MTA3: variants seen among roughly 807,000 people sequenced by gnomAD.
MTA3 encodes the protein metastasis associated 1 family member 3.
MTA3 carries 34 observed loss-of-function variants against 83.5 expected under a neutral mutation model. That is an observed-to-expected ratio of 0.41 (90% CI 0.31 to 0.54). MTA3 has a LOEUF of 0.54. Among genes scored for constraint, MTA3 ranks in the 20% least tolerant of loss-of-function variants. The pLI is 0.33. For synonymous variants in MTA3, 303 were observed against 252.7 expected, an observed-to-expected ratio of 1.20 and a Z score of -1.89; for missense variants, 761 against 726.4, an observed-to-expected ratio of 1.05 and a Z score of -0.55.
chr2:42,689,068 G>A (rs1692651336), intron 9 of MTA3, among the ~76,000 whole-genome samples: 1 of 152,106 alleles, frequency 6.6e-6, no homozygotes. Flanking sequence ...TTTGTAAGAT[G>A]TGTTTTATGC....
intron 2 of MTA3, 138 bp from the exon 3 acceptor site, chr2:42,578,969 C>T (rs1426984231): frequency 1.8e-6 from 1 of 563,100 alleles, no homozygotes; most frequent in Non-Finnish European, 3.1e-6. Context: ...TTTTTTAGCT[C>T]TGTGGTTATC....
chr2:42,641,794 A>C (rs2104304402), intron 5 of MTA3, among the ~76,000 whole-genome samples: 1 of 152,208 alleles, frequency 6.6e-6, no homozygotes, highest in Non-Finnish European at 1.5e-5. Context: ...TGGATCTGGG[A>C]GGCGGAGGTT....
At chr2:42,724,366 TG>T (rs1210695517) in intron 16 of MTA3, among the ~76,000 whole-genome samples, 2 of 146,446 alleles carry the variant, frequency 1.4e-5, no homozygotes, top group African/African-American at 5.1e-5. Flanking sequence ...ACTGTCGTTG[TG>T]GGCCAGGTCC....
intron 5 of MTA3, 21 bp from the exon 6 acceptor site, chr2:42,644,106 G>A (rs1210314391): frequency 7.0e-7 from 1 of 1,426,844 alleles, no homozygotes; most frequent in Non-Finnish European, 9.8e-7. Flanking sequence ...GTATACCTAT[G>A]TATTTTGTCA....
At chr2:42,642,919 A>C (rs923099876) in intron 5 of MTA3, among the ~76,000 whole-genome samples, 2 of 152,038 alleles carry the variant, frequency 1.3e-5, no homozygotes, top group Admixed American at 1.3e-4. Context: ...TGCTGGGATT[A>C]TAGGCATGAG....
At chr2:42,528,730 C>G (rs1261040739) in intron 2 of MTA3, among the ~76,000 whole-genome samples, 3 of 152,162 alleles carry the variant, frequency 2.0e-5, no homozygotes, top group Non-Finnish European at 4.4e-5. Context: ...TTTGTTTGTT[C>G]ATTTTGTTAA....
intron 16 of MTA3, among the ~76,000 whole-genome samples, chr2:42,741,460 G>A (rs978842988): frequency 1.3e-5 from 2 of 152,118 alleles, no homozygotes; most frequent in Admixed American, 6.5e-5. Context: ...CTTTCAATAC[G>A]CCTTCCTCAT....
At chr2:42,600,200 A>AC (rs1416298838) in intron 3 of MTA3, among the ~76,000 whole-genome samples, 20 of 67,052 alleles carry the variant, frequency 3.0e-4, no homozygotes, top group South Asian at 8.2e-4. Flanking sequence ...TCTGTCTCAA[A>AC]AAAAACAAAA....
intron 4 of MTA3, among the ~76,000 whole-genome samples, chr2:42,636,133 C>T (rs908295562): frequency 6.6e-6 from 1 of 152,094 alleles, no homozygotes; most frequent in African/African-American, 2.4e-5. Context: ...GTTTGTTAAT[C>T]ATGTAGATTC....
chr2:42,508,444 A>AC (rs542547795), intron 2 of MTA3, among the ~76,000 whole-genome samples: 127 of 151,596 alleles, frequency 8.4e-4, no homozygotes, highest in African/African-American at 3.0e-3. Context: ...CGATCCTCCC[A>AC]CCTCAGCCCC....
intron 2 of MTA3, among the ~76,000 whole-genome samples, chr2:42,554,514 C>T (rs115483871): frequency 2.2e-3 from 334 of 152,260 alleles, no homozygotes; most frequent in Non-Finnish European, 3.9e-3. Context: ...GAAAAGGGCA[C>T]TTGTTCATGC....
At chr2:42,619,529 G>A (rs1685293026) in intron 4 of MTA3, among the ~76,000 whole-genome samples, 1 of 152,066 alleles carries the variant, frequency 6.6e-6, no homozygotes, top group Non-Finnish European at 1.5e-5. Context: ...ATTGCTGAAA[G>A]AATTAAAGAA....
In MTA3 at chr2:42,540,641, C is replaced by G. The variant is rs370336286; in HGVS notation, c.-140-29796C>G. Among the ~76,000 whole-genome samples the G allele has an allele frequency of 2.6e-5, 4 of 151,724 alleles. No individual in the cohort carries two copies. The East Asian group carries it at 6.0e-4, about 23-fold the overall frequency. On this transcript the variant is annotated intron_variant, in intron 2 of 17. Coordinates refer to the MTA3 transcript ENST00000405592. The stretch of plus-strand genomic sequence containing the variant: ...CTTGAGGCCAGGCGTTCAAGACCAG[C>G]CTGGGCAACATAGTAAGACCTTGTC...
At chr2:42,511,379 T>A (rs1331285832) in intron 2 of MTA3, among the ~76,000 whole-genome samples, 1 of 151,984 alleles carries the variant, frequency 6.6e-6, no homozygotes, top group African/African-American at 2.4e-5. Flanking sequence ...CCTCAGGCAT[T>A]TGCCTCAGTT....
chr2:42,698,675 G>T (rs1296008999), intron 11 of MTA3, among the ~76,000 whole-genome samples: 3 of 152,016 alleles, frequency 2.0e-5, no homozygotes, highest in African/African-American at 7.2e-5. Context: ...CCTATTTACA[G>T]TTGTTTAATA....
At chr2:42,571,198 C>T (rs993900985) in intron 2 of MTA3, among the ~76,000 whole-genome samples, 1 of 151,398 alleles carries the variant, frequency 6.6e-6, no homozygotes, top group Non-Finnish European at 1.5e-5. Context: ...AGTTCAAGAC[C>T]AGCCTGGCCA....
rs760694206 is a variant in MTA3, at chr2:42,695,803, TTAC to T, written c.931_933del (p.Tyr311del). 6.3e-7 allele frequency: 1 copy of T among 1,587,848 alleles called. No homozygotes were observed. The highest frequency in any genetic ancestry group is 8.6e-7 in the Non-Finnish European group (1 of 1,167,226). On this transcript the variant is annotated inframe_deletion, in exon 10 of 17. Coordinates refer to ENST00000405094, the MANE Select transcript of MTA3 (RefSeq NM_001330442.2). ...CATTGACTAGCATCATTGAATATTA[TTAC>T]ATGTGGAAAACTACTGACAGATATG...
chr2:42,560,310 AT>A (rs1009886230), intron 2 of MTA3, among the ~76,000 whole-genome samples: 99 of 148,818 alleles, frequency 6.7e-4, no homozygotes, highest in African/African-American at 2.3e-3. Flanking sequence ...TGCCCGGCTG[AT>A]TTTTTTTTTA....
chr2:42,586,479 C>CACAA (rs1354042250), intron 3 of MTA3, among the ~76,000 whole-genome samples: 1 of 83,468 alleles, frequency 1.2e-5, no homozygotes, highest in Non-Finnish European at 2.8e-5. Flanking sequence ...GGAAGGAAAA[C>CACAA]ACACACACAC....
Sources: gnomAD v4.1 joint callset for allele counts (sites outside exome capture counted in the v4.1 genomes callset) on GRCh38, gnomAD v4.1.1 for gene constraint, MANE v1.5 for transcripts, NCBI Gene and HGNC (gene_info 2026-07-23, HGNC 2026-07-21) for gene names.